SBF2: variants seen among roughly 807,000 people sequenced by gnomAD.
The protein encoded by SBF2 is myotubularin-related protein 13.
A neutral mutation model predicts 225.2 loss-of-function variants in SBF2; 112 were observed. The observed-to-expected ratio is 0.50, with a 90% CI of 0.43 to 0.58. The LOEUF (loss-of-function observed/expected upper bound fraction) is 0.58. Among genes scored for constraint, SBF2 ranks in the 20% least tolerant of loss-of-function variants. The pLI is 0.00. For missense variants in SBF2, 1,996 were observed against 2,206.2 expected (o/e 0.90, Z 1.91); for synonymous variants, 763 against 773.3 (o/e 0.99, Z 0.22).
intron 24 of SBF2, among the ~76,000 whole-genome samples, 158 bp from the exon 25 acceptor site, chr11:9,842,928 T>C (rs561323832): frequency 1.3e-5 from 2 of 152,378 alleles, no homozygotes; most frequent in African/African-American, 4.8e-5. Context: ...ACTTTTAATA[T>C]GGCAGTAGAC....
At chr11:10,232,351 G>A (rs751997981) in intron 1 of SBF2, among the ~76,000 whole-genome samples, 36 of 152,118 alleles carry the variant, frequency 2.4e-4, no homozygotes, top group Admixed American at 3.9e-4. Context: ...TGAGATGAAC[G>A]CGGTACCTCA....
intron 24 of SBF2, among the ~76,000 whole-genome samples, chr11:9,845,049 TGA>T (rs1243449228): frequency 6.6e-6 from 1 of 152,094 alleles, no homozygotes; most frequent in East Asian, 1.9e-4. Flanking sequence ...TGTGTATATA[TGA>T]GAGAGAGAAT....
At chr11:10,193,118 T>G (rs1957238247) in intron 2 of SBF2, among the ~76,000 whole-genome samples, 1 of 152,176 alleles carries the variant, frequency 6.6e-6, no homozygotes, top group Admixed American at 6.5e-5. Context: ...AAAAGAAATC[T>G]AATTTGTGAT....
chr11:10,001,065 C>A (rs891109094), intron 7 of SBF2, 43 bp from the exon 8 acceptor site: 3 of 994,478 alleles, frequency 3.0e-6, no homozygotes, highest in Non-Finnish European at 4.8e-6. Context: ...TTTTCTTTAA[C>A]ATAAACATAT....
intron 9 of SBF2, among the ~76,000 whole-genome samples, 190 bp downstream of exon 9, chr11:9,998,076 A>G (rs902876241): frequency 6.6e-6 from 1 of 152,238 alleles, no homozygotes; most frequent in Non-Finnish European, 1.5e-5. Context: ...AGGATCCAAA[A>G]TATATGCTTT....
chr11:10,100,050 A>G (rs1386804111), intron 2 of SBF2, among the ~76,000 whole-genome samples: 1 of 152,238 alleles, frequency 6.6e-6, no homozygotes, highest in Non-Finnish European at 1.5e-5. Context: ...ATAAAAAGAC[A>G]AAGTGGGTGA....
At chr11:9,805,806 T>C (rs1590125600) in intron 32 of SBF2, among the ~76,000 whole-genome samples, 2 of 152,148 alleles carry the variant, frequency 1.3e-5, no homozygotes, top group Middle Eastern at 3.4e-3. Context: ...GTATTTTTAG[T>C]AGAGATGGGG....
Position 10,196,866 on chromosome 11 carries a change from A to ATATATTTT in SBF2, c.56-2880_56-2879insAAAATATA. On this transcript the variant is annotated intron_variant, in intron 1 of 39. Coordinates refer to ENST00000256190, the MANE Select transcript of SBF2 (RefSeq NM_030962.4). ...TATATATATATATATATATATATAT[A>ATATATTTT]TTTTTTTTTTCCTACAAAATGAATA... is the stretch of plus-strand genomic sequence containing the variant. 1.0e-3 allele frequency among the ~76,000 whole-genome samples: 100 copies of ATATATTTT among 99,276 alleles called. 1 individual carries two copies. Among genetic ancestry groups the ATATATTTT allele is most frequent in the African/African-American group, 3.6e-3 (88 of 24,768 alleles). 65.1% of individuals were successfully genotyped at this position (99,276 alleles called of 152,430 possible). A position where few individuals can be genotyped will look rare whatever the true frequency, so the allele number is the denominator to read the frequency against.
chr11:10,030,956 C>A, intron 4 of SBF2, 92 bp downstream of exon 4: 1 of 1,101,772 alleles, frequency 9.1e-7, no homozygotes, highest in Non-Finnish European at 1.3e-6. Flanking sequence ...ATCAATCTAA[C>A]AATATTTTCA....
chr11:9,794,882 C>G (rs902836886), intron 33 of SBF2, among the ~76,000 whole-genome samples: 2 of 151,938 alleles, frequency 1.3e-5, no homozygotes, highest in African/African-American at 4.8e-5. Context: ...GTGCTCTTTC[C>G]CTTATCAAAA....
chr11:10,026,113 G>A (rs181004589), intron 6 of SBF2, among the ~76,000 whole-genome samples: 400 of 151,758 alleles, frequency 2.6e-3, no homozygotes, highest in African/African-American at 9.3e-3. Flanking sequence ...CAAACTGCAG[G>A]ATGTTTAATA....
At chr11:9,959,285 T>C (rs971718372) in intron 16 of SBF2, 16 of 774,964 alleles carry the variant, frequency 2.1e-5, no homozygotes, top group Middle Eastern at 3.5e-4. Context: ...GCCTCCACAA[T>C]GTCCCTGCCA....
chr11:10,090,239 T>C (rs956658564), intron 2 of SBF2, among the ~76,000 whole-genome samples: 18 of 152,302 alleles, frequency 1.2e-4, no homozygotes, highest in African/African-American at 4.3e-4. Flanking sequence ...TGATTAAAAG[T>C]TCTGGGGATG....
intron 1 of SBF2, among the ~76,000 whole-genome samples, chr11:10,244,406 T>C (rs184422034): frequency 1.3e-5 from 2 of 152,308 alleles, no homozygotes; most frequent in African/African-American, 4.8e-5. Flanking sequence ...TTGGCACCCT[T>C]GTAAAAGATC....
chr11:10,215,646 T>C (rs574659065), intron 1 of SBF2, among the ~76,000 whole-genome samples: 30 of 144,316 alleles, frequency 2.1e-4, no homozygotes, highest in African/African-American at 7.9e-4. Context: ...AAAAACCATG[T>C]ACCTCTTATG....
At chr11:10,052,772 T>C (rs180843132) in intron 2 of SBF2, among the ~76,000 whole-genome samples, 408 of 152,286 alleles carry the variant, frequency 2.7e-3, no homozygotes, top group Non-Finnish European at 3.9e-3. Flanking sequence ...AAACCAAGAC[T>C]GTTAGACATT....
chr11:10,194,286 G>C (rs1221765429), intron 1 of SBF2, among the ~76,000 whole-genome samples: 2 of 152,014 alleles, frequency 1.3e-5, no homozygotes, highest in Non-Finnish European at 2.9e-5. Flanking sequence ...TAAAAATACA[G>C]TATAACAAAT....
chr11:9,882,676 A>T (rs554605233), intron 17 of SBF2, among the ~76,000 whole-genome samples: 2 of 151,520 alleles, frequency 1.3e-5, no homozygotes, highest in Non-Finnish European at 2.9e-5. Flanking sequence ...GCGCGGTGGC[A>T]GGCGCCTGTA....
At chr11:10,252,573 G>A (rs781357108) in intron 1 of SBF2, among the ~76,000 whole-genome samples, 1 of 152,214 alleles carries the variant, frequency 6.6e-6, no homozygotes. Flanking sequence ...GGAGGCCAAG[G>A]CGGGCAGATC....
Sources: gnomAD v4.1 joint callset for allele counts (sites outside exome capture counted in the v4.1 genomes callset) on GRCh38, gnomAD v4.1.1 for gene constraint, MANE v1.5 for transcripts, NCBI Gene and HGNC (gene_info 2026-07-23, HGNC 2026-07-21) for gene names.